NCOA2: variants seen among roughly 807,000 people sequenced by gnomAD.
NCOA2 encodes the protein nuclear receptor coactivator 2.
Under a neutral mutation model 145.1 loss-of-function variants are expected in NCOA2, and 21 were observed. That is an observed-to-expected ratio of 0.14 (90% confidence interval 0.10 to 0.21). The LOEUF is 0.21. Among genes scored for constraint, NCOA2 ranks in the 10% least tolerant of loss-of-function variants. NCOA2 has a pLI of 1.00. For synonymous variants in NCOA2, 619 were observed against 637.5 expected (o/e 0.97, Z 0.44); for missense variants, 1,472 against 1,837.6 (o/e 0.80, Z 3.64).
intron 7 of NCOA2, among the ~76,000 whole-genome samples, chr8:70,164,512 T>G (rs535952849): frequency 6.6e-6 from 1 of 152,266 alleles, no homozygotes; most frequent in South Asian, 2.1e-4. Flanking sequence ...TCAGGCTGCC[T>G]CAATTTCATC....
chr8:70,213,047 T>C (rs1819205705), intron 4 of NCOA2, among the ~76,000 whole-genome samples: 1 of 143,140 alleles, frequency 7.0e-6, no homozygotes, highest in African/African-American at 2.6e-5. Flanking sequence ...ATCACACCAC[T>C]GCACCCCAGC....
rs1806601548 is a variant in NCOA2, at chr8:70,112,212, CA to C, written c.*1419del. 1 of 202,650 alleles carries C rather than the reference CA, an allele frequency of 4.9e-6. No individual in the cohort carries two copies. Among genetic ancestry groups the C allele is most frequent in the South Asian group, 1.9e-4 (1 of 5,276 alleles). The allele number at this position is 202,650 out of a possible 1,614,324, so 12.6% of individuals were successfully genotyped here. A position where few individuals can be genotyped will look rare whatever the true frequency, so the allele number is the denominator to read the frequency against. The stretch of plus-strand genomic sequence containing the variant: ...TAGAAAATAAAAAGTCTTAAGTCTA[CA>C]AATTAGGTCTAATCAAGGCATTGAT... On this transcript the variant is annotated 3_prime_UTR_variant, in exon 23 of 23. Transcript: ENST00000452400.
chr8:70,265,603 A>T (rs1475296639), intron 2 of NCOA2, among the ~76,000 whole-genome samples: 4 of 152,176 alleles, frequency 2.6e-5, no homozygotes, highest in African/African-American at 9.7e-5. Flanking sequence ...TTTTAAAAAA[A>T]TACTGACTTC....
intron 13 of NCOA2, among the ~76,000 whole-genome samples, 158 bp downstream of exon 13, chr8:70,144,484 C>T (rs943601192): frequency 6.6e-6 from 1 of 152,182 alleles, no homozygotes; most frequent in East Asian, 1.9e-4. Flanking sequence ...TTCCCACATG[C>T]CATTCTCACA....
intron 2 of NCOA2, among the ~76,000 whole-genome samples, chr8:70,244,297 G>A (rs1346352182): frequency 6.6e-6 from 1 of 152,048 alleles, no homozygotes; most frequent in African/African-American, 2.4e-5. Context: ...TAATGCTTCT[G>A]ATTATCTTTC....
the NCOA2 span, among the ~76,000 whole-genome samples, chr8:70,413,277 G>C: frequency 3.9e-5 from 6 of 152,012 alleles, no homozygotes; most frequent in Non-Finnish European, 5.9e-5. Context: ...TCACCTTGCT[G>C]TGCAACCCTC....
intron 5 of NCOA2, among the ~76,000 whole-genome samples, chr8:70,173,391 A>G (rs541945312): frequency 6.6e-6 from 1 of 152,246 alleles, no homozygotes; most frequent in Non-Finnish European, 1.5e-5. Context: ...TTTAGTTAAC[A>G]TAATTTTCAA....
At chr8:70,246,428 TA>T (rs1323978786) in intron 2 of NCOA2, among the ~76,000 whole-genome samples, 2 of 152,252 alleles carry the variant, frequency 1.3e-5, no homozygotes, top group Admixed American at 1.3e-4. Context: ...ACGAGGAGAC[TA>T]AAAGAATGAC....
Position 70,126,776 on chromosome 8 carries a change from G to C in NCOA2, c.3916+37C>G, listed in dbSNP as rs773557451. The C allele has an allele frequency of 2.6e-6, 4 of 1,550,652 alleles. No homozygotes were observed. In the Admixed American group the frequency reaches 6.7e-5, roughly 26 times the overall value. On this transcript the variant is annotated intron_variant, in intron 19 of 22. Transcript: ENST00000452400. The stretch of plus-strand genomic sequence containing the variant: ...AACACTGGGGGACACTGGGGAGAAA[G>C]GACTGGTGAAAGGTGGTGGGGATCT...
intron 4 of NCOA2, among the ~76,000 whole-genome samples, chr8:70,204,299 TG>T (rs1818221221): frequency 6.6e-6 from 1 of 152,060 alleles, no homozygotes; most frequent in African/African-American, 2.4e-5. Context: ...TAAGCCACCA[TG>T]ACCGGCGAAT....
intron 1 of NCOA2, among the ~76,000 whole-genome samples, chr8:70,343,771 ACTG>A (rs1808355626): frequency 6.6e-6 from 1 of 151,754 alleles, no homozygotes; most frequent in Admixed American, 6.6e-5. Flanking sequence ...AGATCGTGCC[ACTG>A]CACTCTAGCC....
At chr8:70,330,905 T>C (rs1485193293) in intron 1 of NCOA2, among the ~76,000 whole-genome samples, 1 of 152,188 alleles carries the variant, frequency 6.6e-6, no homozygotes. Context: ...TATCTGGAAA[T>C]GGCAGCTATG....
At chr8:70,143,247 C>T (rs1328604738) in intron 13 of NCOA2, among the ~76,000 whole-genome samples, 3 of 152,124 alleles carry the variant, frequency 2.0e-5, no homozygotes, top group Non-Finnish European at 4.4e-5. Flanking sequence ...CATGCCTGGC[C>T]TAGTCTGTGT....
At chr8:70,128,546 A>G (rs767621890) in intron 17 of NCOA2, 36 bp from the exon 18 acceptor site, 29 of 1,600,154 alleles carry the variant, frequency 1.8e-5, no homozygotes, top group Non-Finnish European at 2.5e-5. Flanking sequence ...ACATTTTAAG[A>G]ACAGAATACA....
chr8:70,441,507 AAAG>A, the NCOA2 span, among the ~76,000 whole-genome samples: 8 of 151,008 alleles, frequency 5.3e-5, no homozygotes, highest in East Asian at 1.9e-4. Context: ...AAGAGAAAGA[AAAG>A]AAGAAAGAAA....
chr8:70,193,337 T>C (rs890745296), intron 4 of NCOA2, among the ~76,000 whole-genome samples: 2 of 152,136 alleles, frequency 1.3e-5, no homozygotes, highest in African/African-American at 2.4e-5. Flanking sequence ...TTCTGAACAA[T>C]TAACTTATAG....
chr8:70,111,243 T>TA lies in NCOA2; in HGVS notation c.*2388dup, dbSNP rs1806510906. On this transcript the variant is annotated 3_prime_UTR_variant, in exon 23 of 23. Transcript: ENST00000452400. ...CATTAAAATACAGCGGGCAGATGGA[T>TA]AAAAAAGAAGAGATAGGTAGATAGT... 8.8e-6 allele frequency: 2 copies of TA among 226,392 alleles called. No homozygotes were observed. The highest frequency in any genetic ancestry group is 8.8e-6 in the Non-Finnish European group (1 of 113,882). The allele number at this position is 226,392 out of a possible 1,614,324, so 14.0% of individuals were successfully genotyped here. A position where few individuals can be genotyped will look rare whatever the true frequency, so the allele number is the denominator to read the frequency against.
At chr8:70,121,496 A>C in intron 21 of NCOA2, 105 bp from the exon 22 acceptor site, 1 of 821,150 alleles carries the variant, frequency 1.2e-6, no homozygotes, top group African/African-American at 1.7e-5. Flanking sequence ...GGGTGTAAAA[A>C]CGGGGAAAAG....
intron 2 of NCOA2, among the ~76,000 whole-genome samples, chr8:70,223,839 A>G (rs1236503703): frequency 6.6e-6 from 1 of 152,236 alleles, no homozygotes; most frequent in East Asian, 1.9e-4. Context: ...GTGGGCATTA[A>G]AGGGTCCTAT....
Sources: allele counts gnomAD v4.1 joint callset (sites outside exome capture counted in the v4.1 genomes callset), GRCh38; gene constraint gnomAD v4.1.1; transcripts MANE v1.5; gene names NCBI Gene and HGNC (gene_info 2026-07-23, HGNC 2026-07-21).